The following NKAIN3 variants were observed in gnomAD, a reference collection of about 807,000 sequenced individuals.
The protein encoded by NKAIN3 is sodium/potassium transporting ATPase interacting 3, also known as sodium/potassium-transporting ATPase subunit beta-1-interacting protein 3.
Under a neutral mutation model 30.2 loss-of-function variants are expected in NKAIN3, and 25 were observed. The observed-to-expected ratio is 0.83, with a 90% confidence interval of 0.60 to 1.16. The LOEUF (loss-of-function observed/expected upper bound fraction) is 1.16, where lower values mean the gene tolerates loss of function less well. Among genes scored for constraint, NKAIN3 ranks in the 50% most tolerant of loss-of-function variants. NKAIN3 has a pLI of 0.00. For synonymous variants in NKAIN3, 91 were observed against 89.6 expected (o/e 1.02, Z -0.09); for missense variants, 225 against 254.1 (o/e 0.89, Z 0.78).
chr8:62,816,933 G>A (rs1338950410), intron 4 of NKAIN3, among the ~76,000 whole-genome samples: 1 of 152,080 alleles, frequency 6.6e-6, no homozygotes, highest in Non-Finnish European at 1.5e-5. Context: ...AGAGTTGTGG[G>A]GCTTTTCTGT....
intron 1 of NKAIN3, among the ~76,000 whole-genome samples, chr8:62,313,347 G>A (rs1363704176): frequency 6.6e-6 from 1 of 151,944 alleles, no homozygotes; most frequent in African/African-American, 2.4e-5. Flanking sequence ...AATGAAAGTT[G>A]TGTCTTTGAA....
intron 3 of NKAIN3, among the ~76,000 whole-genome samples, chr8:62,635,936 A>G (rs1291476825): frequency 1.3e-5 from 2 of 152,194 alleles, no homozygotes; most frequent in Non-Finnish European, 2.9e-5. Flanking sequence ...GAAAAATCCA[A>G]GACAAAATAT....
intron 4 of NKAIN3, among the ~76,000 whole-genome samples, chr8:62,827,467 A>T (rs1296049766): frequency 6.6e-6 from 1 of 152,212 alleles, no homozygotes; most frequent in East Asian, 1.9e-4. Flanking sequence ...ATATGTGGAG[A>T]GCAAATGCTA....
intron 3 of NKAIN3, among the ~76,000 whole-genome samples, chr8:62,706,229 C>G (rs58151304): frequency 1.3e-5 from 2 of 152,040 alleles, no homozygotes; most frequent in African/African-American, 4.8e-5. Flanking sequence ...GATGAATCCC[C>G]ATGTTGTCAG....
chr8:62,883,460 T>TG (rs1554588082), intron 4 of NKAIN3, among the ~76,000 whole-genome samples: 1 of 11,778 alleles, frequency 8.5e-5, no homozygotes, highest in Non-Finnish European at 1.2e-4. Context: ...TTTATGGGTT[T>TG]TTTTTTTTTT....
At chr8:62,471,238 T>G (rs1585844872) in intron 1 of NKAIN3, among the ~76,000 whole-genome samples, 1 of 152,236 alleles carries the variant, frequency 6.6e-6, no homozygotes, top group Non-Finnish European at 1.5e-5. Flanking sequence ...GAGTGGATAG[T>G]CCTGGGGAGG....
intron 4 of NKAIN3, among the ~76,000 whole-genome samples, chr8:62,875,155 A>C (rs1007769479): frequency 6.6e-6 from 1 of 152,166 alleles, no homozygotes; most frequent in African/African-American, 2.4e-5. Context: ...ATGTGCAAAA[A>C]TCACAACCAT....
intron 3 of NKAIN3, among the ~76,000 whole-genome samples, chr8:62,663,238 G>A: frequency 6.6e-6 from 1 of 152,146 alleles, no homozygotes; most frequent in East Asian, 1.9e-4. Context: ...TTTAAACAGT[G>A]GTTCTTGAGA....
intron 1 of NKAIN3, among the ~76,000 whole-genome samples, chr8:62,381,817 T>C (rs1331667100): frequency 7.0e-6 from 1 of 142,582 alleles, no homozygotes; most frequent in East Asian, 1.9e-4. Flanking sequence ...GGCATGAATA[T>C]CTTCTTAATA....
chr8:62,870,233 TAG>T (rs1563603867), intron 4 of NKAIN3, among the ~76,000 whole-genome samples: 5 of 141,458 alleles, frequency 3.5e-5, no homozygotes, highest in African/African-American at 1.4e-4. Context: ...TATCTATATA[TAG>T]ATATCTATAG....
intron 4 of NKAIN3, among the ~76,000 whole-genome samples, chr8:62,771,426 T>G (rs1817006427): frequency 6.6e-6 from 1 of 152,032 alleles, no homozygotes; most frequent in Non-Finnish European, 1.5e-5. Flanking sequence ...AATAATAGAT[T>G]TGAAATGGCA....
chr8:62,898,750 A>G (rs1434792569), intron 4 of NKAIN3, among the ~76,000 whole-genome samples: 2 of 152,076 alleles, frequency 1.3e-5, no homozygotes, highest in Non-Finnish European at 2.9e-5. Context: ...AAAGTTAAAA[A>G]CCTTCTCCAT....
intron 1 of NKAIN3, among the ~76,000 whole-genome samples, chr8:62,310,985 G>A (rs1382392253): frequency 6.6e-6 from 1 of 150,432 alleles, no homozygotes; most frequent in Non-Finnish European, 1.5e-5. Context: ...GGAACAAATA[G>A]TGCCATACAA....
At chr8:62,996,820 C>G (rs1804125522) in intron 5 of NKAIN3, among the ~76,000 whole-genome samples, 1 of 152,196 alleles carries the variant, frequency 6.6e-6, no homozygotes, top group Non-Finnish European at 1.5e-5. Flanking sequence ...GACTCCATGT[C>G]TCACACCCAC....
chr8:62,293,762 G>T (rs1220837199), intron 1 of NKAIN3, among the ~76,000 whole-genome samples: 1 of 152,176 alleles, frequency 6.6e-6, no homozygotes, highest in Non-Finnish European at 1.5e-5. Flanking sequence ...TCTCTTCAAA[G>T]CTGTCAGACA....
chr8:62,772,304 A>T (rs1817041517), intron 4 of NKAIN3, among the ~76,000 whole-genome samples: 1 of 152,120 alleles, frequency 6.6e-6, no homozygotes, highest in Admixed American at 6.6e-5. Context: ...TTATCCATTC[A>T]TCTGTTGATA....
At chr8:62,345,165 G>T (rs2129591205) in intron 1 of NKAIN3, among the ~76,000 whole-genome samples, 1 of 151,272 alleles carries the variant, frequency 6.6e-6, no homozygotes, top group East Asian at 1.9e-4. Flanking sequence ...TTGTATCCTG[G>T]AACTTTACCA....
At chr8:62,758,804 G>C in intron 4 of NKAIN3, among the ~76,000 whole-genome samples, 1 of 152,170 alleles carries the variant, frequency 6.6e-6, no homozygotes, top group East Asian at 1.9e-4. Context: ...CTTTCAGTCA[G>C]AATGGTCCCT....
intron 1 of NKAIN3, among the ~76,000 whole-genome samples, chr8:62,413,631 T>C (rs1401098849): frequency 3.9e-5 from 6 of 152,260 alleles, no homozygotes; most frequent in Admixed American, 3.9e-4. Context: ...CTAAACACAT[T>C]CAAGGAAAAA....
Sources: allele counts gnomAD v4.1 joint callset (sites outside exome capture counted in the v4.1 genomes callset), GRCh38; gene constraint gnomAD v4.1.1; transcripts MANE v1.5; gene names NCBI Gene and HGNC (gene_info 2026-07-23, HGNC 2026-07-21).